CDH4: variants seen among roughly 807,000 people sequenced by gnomAD.
CDH4 encodes the protein cadherin-4.
CDH4 carries 33 observed loss-of-function variants against 86.0 expected under a neutral mutation model. That is an observed-to-expected ratio of 0.38 (90% confidence interval 0.29 to 0.51). CDH4 has a LOEUF of 0.51. CDH4 is among the 20% of genes least tolerant of loss of function. The pLI is 0.86. For synonymous variants in CDH4, 555 were observed against 549.4 expected, an observed-to-expected ratio of 1.01 and a Z score of -0.14; for missense variants, 1,114 against 1,307.4, an observed-to-expected ratio of 0.85 and a Z score of 2.28.
At chr20:61,760,068 G>C (rs1485428286) in intron 3 of CDH4, among the ~76,000 whole-genome samples, 1 of 152,204 alleles carries the variant, frequency 6.6e-6, no homozygotes, top group East Asian at 1.9e-4. Context: ...CACCCTTAAA[G>C]AGGCTGACAT....
intron 3 of CDH4, among the ~76,000 whole-genome samples, chr20:61,748,917 TAC>T (rs2088452140): frequency 1.4e-5 from 1 of 71,244 alleles, no homozygotes; most frequent in African/African-American, 7.8e-5. Context: ...ATAGATGGGC[TAC>T]ACATTTCTCT....
chr20:61,568,843 ACC>A (rs969134664), intron 2 of CDH4, among the ~76,000 whole-genome samples: 1 of 152,186 alleles, frequency 6.6e-6, no homozygotes, highest in Non-Finnish European at 1.5e-5. Flanking sequence ...CAGCTCACGC[ACC>A]TGCATTGCAT....
At chr20:61,611,127 C>G (rs959844197) in intron 2 of CDH4, among the ~76,000 whole-genome samples, 2 of 152,026 alleles carry the variant, frequency 1.3e-5, no homozygotes, top group African/African-American at 4.8e-5. Context: ...AGAGGGTGCA[C>G]GTCTCCCAGC....
At chr20:61,917,623 G>A (rs1279392310) in intron 9 of CDH4, among the ~76,000 whole-genome samples, 4 of 152,206 alleles carry the variant, frequency 2.6e-5, no homozygotes, top group Non-Finnish European at 4.4e-5. Context: ...CAGGGCAGAC[G>A]TCCTGGTGTG....
chr20:61,415,161 C>T (rs1042556833), intron 2 of CDH4, among the ~76,000 whole-genome samples: 2 of 152,202 alleles, frequency 1.3e-5, no homozygotes, highest in African/African-American at 2.4e-5. Flanking sequence ...ATCGGCATTA[C>T]TTTGGGAGAC....
At chr20:61,351,216 T>C (rs1408970544) in intron 2 of CDH4, among the ~76,000 whole-genome samples, 1 of 144,204 alleles carries the variant, frequency 6.9e-6, no homozygotes, top group Admixed American at 7.0e-5. Flanking sequence ...GGAGGAAGAA[T>C]TGTGCCTGTA....
intron 3 of CDH4, among the ~76,000 whole-genome samples, chr20:61,767,396 C>T (rs566175799): frequency 5.3e-5 from 8 of 152,318 alleles, no homozygotes; most frequent in East Asian, 3.9e-4. Flanking sequence ...GCACAGCCCC[C>T]GGGGCAGTAG....
At chr20:61,899,099 A>T (rs1175056120) in intron 8 of CDH4, among the ~76,000 whole-genome samples, 2 of 152,104 alleles carry the variant, frequency 1.3e-5, no homozygotes, top group African/African-American at 4.8e-5. Flanking sequence ...GTTCAAGACC[A>T]GCCTGGCCAA....
rs1417765996 is a variant in CDH4, at chr20:61,383,447, AT to A, written c.169+128512del. Reference sequence around the variant, plus strand: ...TGATATATATCATATATGAATATATATTCATATATATGAAGATATATATGAA... The same window carrying A: ...TGATATATATCATATATGAATATATATCATATATATGAAGATATATATGAA... On this transcript the variant is annotated intron_variant, in intron 2 of 15. Transcript: ENST00000614565. 1.0e-3 allele frequency among the ~76,000 whole-genome samples: 66 copies of A among 64,422 alleles called. 6 individuals carry two copies. Among genetic ancestry groups the A allele is most frequent in the East Asian group, 8.6e-3 (23 of 2,666 alleles). The allele number at this position is 64,422 out of a possible 152,430, so 42.3% of individuals were successfully genotyped here. A position where few individuals can be genotyped will look rare whatever the true frequency, so the allele number is the denominator to read the frequency against.
chr20:61,814,876 G>A (rs1980634186), intron 4 of CDH4, among the ~76,000 whole-genome samples: 1 of 152,170 alleles, frequency 6.6e-6, no homozygotes, highest in African/African-American at 2.4e-5. Flanking sequence ...CCTGCAAGGT[G>A]CTGAGGCCCA....
Position 61,585,948 on chromosome 20 carries a change from TGAG to T in CDH4, c.170-157609_170-157607del, listed in dbSNP as rs368032079. On this transcript the variant is annotated intron_variant, in intron 2 of 15. Coordinates refer to ENST00000614565, the MANE Select transcript of CDH4 (RefSeq NM_001794.5). ...GATGGTGATGGTGATGAGGTGGTGA[TGAG>T]GAGGATGATGGTGATGGTGATGATG... is the stretch of plus-strand genomic sequence containing the variant. Among the ~76,000 whole-genome samples the T allele has an allele frequency of 3.5e-3, 513 of 147,264 alleles. 3 individuals carry two copies. Among genetic ancestry groups the T allele is most frequent in the African/African-American group, 0.011 (439 of 39,408 alleles).
At chr20:61,680,019 C>G (rs2087492974) in intron 2 of CDH4, among the ~76,000 whole-genome samples, 1 of 152,168 alleles carries the variant, frequency 6.6e-6, no homozygotes, top group Non-Finnish European at 1.5e-5. Flanking sequence ...AGCTGAGGAG[C>G]CTGTCCACAG....
intron 2 of CDH4, among the ~76,000 whole-genome samples, chr20:61,712,875 G>A (rs557713147): frequency 2.0e-5 from 3 of 152,322 alleles, no homozygotes; most frequent in South Asian, 2.1e-4. Flanking sequence ...CTGACTCGCC[G>A]AGGGTGGTGG....
chr20:61,709,567 T>C lies in CDH4; in HGVS notation c.170-33996T>C, dbSNP rs1287973649. ...CTGGGATTACAGGCATGAGCCACTG[T>C]GCCTGGCAATTTTTGAATGACAATT... On this transcript the variant is annotated intron_variant, in intron 2 of 15. Coordinates refer to ENST00000614565, the MANE Select transcript of CDH4 (RefSeq NM_001794.5). This position sits in a 1 kb window ranked among gnomAD's most constrained non-coding sequence, Gnocchi z 4.8. Among the ~76,000 whole-genome samples the C allele has an allele frequency of 6.6e-6, 1 of 151,532 alleles. No homozygotes were observed. The highest frequency in any genetic ancestry group is 1.5e-5 in the Non-Finnish European group (1 of 67,860).
At chr20:61,779,796 G>A (rs377008624) in intron 4 of CDH4, among the ~76,000 whole-genome samples, 118 of 152,342 alleles carry the variant, frequency 7.7e-4, no homozygotes, top group African/African-American at 2.7e-3. Context: ...CGAGATGCAC[G>A]GCCAAGGTGC....
chr20:61,807,848 G>A lies in CDH4; in HGVS notation c.576+34666G>A, dbSNP rs900533336. 3.9e-5 allele frequency among the ~76,000 whole-genome samples: 6 copies of A among 152,202 alleles called. No individual in the cohort carries two copies. Among genetic ancestry groups the A allele is most frequent in the South Asian group, 2.1e-4 (1 of 4,828 alleles). On this transcript the variant is annotated intron_variant, in intron 4 of 15. Coordinates refer to ENST00000614565, the MANE Select transcript of CDH4 (RefSeq NM_001794.5). The surrounding 1 kb of genome is among the most constrained non-coding windows in gnomAD (Gnocchi z 4.5). ...TCCATGCAGGATGGTCAGTACTGTC[G>A]CTTTCGTTAGGTTAGAGGCCGTCCA...
chr20:61,564,710 C>T (rs371349143), intron 2 of CDH4, among the ~76,000 whole-genome samples: 4 of 152,134 alleles, frequency 2.6e-5, no homozygotes, highest in Non-Finnish European at 2.9e-5. Flanking sequence ...AATGCAAGAA[C>T]GGAGTAACAC....
At chr20:61,845,278 C>A (rs1982388705) in intron 5 of CDH4, among the ~76,000 whole-genome samples, 1 of 152,256 alleles carries the variant, frequency 6.6e-6, no homozygotes. Flanking sequence ...GGACAATAGT[C>A]CTGCAAGCTT....
intron 6 of CDH4, among the ~76,000 whole-genome samples, chr20:61,864,216 G>A (rs6061873): frequency 1.3e-3 from 197 of 152,324 alleles, no homozygotes; most frequent in African/African-American, 4.6e-3. Context: ...AAGGGCCAGG[G>A]CAGGGCTGCT....
Sources: gnomAD v4.1 joint callset for allele counts (sites outside exome capture counted in the v4.1 genomes callset) on GRCh38, gnomAD v4.1.1 for gene constraint, Gnocchi (gnomAD v3.1) non-coding constraint, MANE v1.5 for transcripts, NCBI Gene and HGNC (gene_info 2026-07-23, HGNC 2026-07-21) for gene names.